PITPNM2: variants seen among roughly 807,000 people sequenced by gnomAD.
PITPNM2 encodes membrane-associated phosphatidylinositol transfer protein 2.
Under a neutral mutation model 132.2 loss-of-function variants are expected in PITPNM2, and 35 were observed. That is an observed-to-expected ratio of 0.26 (90% confidence interval 0.20 to 0.35). PITPNM2 has a LOEUF of 0.35. PITPNM2 is among the 10% of genes least tolerant of loss of function. The pLI, the probability that PITPNM2 is intolerant of heterozygous loss-of-function variation, is 1.00. For synonymous variants in PITPNM2, 738 were observed against 799.2 expected (o/e 0.92, Z 1.29); for missense variants, 1,332 against 1,912.0 (o/e 0.70, Z 5.66).
At chr12:123,130,336 G>T (rs192267286) in intron 1 of PITPNM2, among the ~76,000 whole-genome samples, 1 of 152,228 alleles carries the variant, frequency 6.6e-6, no homozygotes, top group Admixed American at 6.5e-5. Flanking sequence ...AAACAGTAGA[G>T]ATAATTATAG....
At chr12:123,113,937 CAT>C (rs2042888447) in intron 1 of PITPNM2, among the ~76,000 whole-genome samples, 1 of 152,196 alleles carries the variant, frequency 6.6e-6, no homozygotes, top group Non-Finnish European at 1.5e-5. Flanking sequence ...TAAATGGAAT[CAT>C]ATAATATGTA....
intron 1 of PITPNM2, among the ~76,000 whole-genome samples, chr12:123,148,880 G>A (rs1452594728): frequency 6.6e-6 from 1 of 152,146 alleles, no homozygotes; most frequent in Non-Finnish European, 1.5e-5. Flanking sequence ...CACCTGCGAA[G>A]GCCAAGACTG....
At chr12:123,089,523 G>A (rs2042203522) in intron 2 of PITPNM2, 1 of 152,204 alleles carries the variant, frequency 6.6e-6, no homozygotes, top group Non-Finnish European at 1.5e-5. Context: ...AAGTCCTAGA[G>A]TCTCAGGGGT....
At position 122,986,478 on chromosome 12, in the gene PITPNM2, G is replaced by A. The variant is rs1370696978; in HGVS notation, c.3684C>T (p.Tyr1228=). The A allele has an allele frequency of 3.8e-6, 6 of 1,585,710 alleles. No homozygotes were observed. The highest frequency in any genetic ancestry group is 2.7e-5 in the African/African-American group (2 of 74,574). The change falls in exon 25 of 26, where the codon TAC becomes TAT. Residue 1228 remains tyrosine, a synonymous_variant. Transcript: ENST00000320201. ...SAISLSPMQI[Y]IVGRPTKKLQ... ...GCTTCTTGGTGGGCCGGCCCACGAT[G>A]TAGATCTGCATGGGGGACAGGCTAA... is the stretch of plus-strand genomic sequence containing the variant.
At chr12:123,020,882 T>C (rs2039640909) in intron 3 of PITPNM2, among the ~76,000 whole-genome samples, 1 of 151,152 alleles carries the variant, frequency 6.6e-6, no homozygotes, top group Non-Finnish European at 1.5e-5. Flanking sequence ...TAAAAAAAAA[T>C]AGCCAGGCGT....
intron 2 of PITPNM2, among the ~76,000 whole-genome samples, chr12:123,053,212 C>T (rs1017426462): frequency 3.3e-5 from 5 of 152,068 alleles, no homozygotes; most frequent in African/African-American, 9.7e-5. Flanking sequence ...ATTTATTTTT[C>T]TAGCTTCTTG....
In PITPNM2 at chr12:123,064,357, C is replaced by T. The variant is rs896054774; in HGVS notation, c.-95-29672G>A. On this transcript the variant is annotated intron_variant, in intron 2 of 25. Transcript: ENST00000320201. This position sits in a 1 kb window ranked among gnomAD's most constrained non-coding sequence, Gnocchi z 4.0. ...CAGGGTGACACCAAACCGATCCCAA[C>T]CAGCACCCCAAGGCCTGCAGCCCAC... is the stretch of plus-strand genomic sequence containing the variant. Among the ~76,000 whole-genome samples, 5 of 152,186 alleles carry T rather than the reference C, an allele frequency of 3.3e-5. No individual in the cohort carries two copies. Among genetic ancestry groups the T allele is most frequent in the Non-Finnish European group, 7.4e-5 (5 of 68,022 alleles).
intron 3 of PITPNM2, among the ~76,000 whole-genome samples, chr12:123,016,143 T>G (rs953813115): frequency 6.6e-5 from 10 of 151,746 alleles, no homozygotes; most frequent in Non-Finnish European, 1.5e-5. Flanking sequence ...CTGGCCAACA[T>G]GGTAAAACTC....
intron 6 of PITPNM2, among the ~76,000 whole-genome samples, chr12:123,007,032 G>C (rs1461266560): frequency 6.6e-6 from 1 of 152,184 alleles, no homozygotes; most frequent in East Asian, 1.9e-4. Context: ...GCCGGCGACA[G>C]GGAGCCCTCC....
intron 2 of PITPNM2, among the ~76,000 whole-genome samples, chr12:123,054,095 T>C (rs2040946131): frequency 6.6e-6 from 1 of 152,148 alleles, no homozygotes; most frequent in Non-Finnish European, 1.5e-5. Context: ...ATCATCAATT[T>C]ATTTATTTAT....
At chr12:123,110,517 G>A (rs12423255) in intron 1 of PITPNM2, 29 bp from the exon 2 acceptor site, 30,446 of 152,314 alleles carry the variant, frequency 0.2, 4,043 homozygotes, top group Non-Finnish European at 0.3. Flanking sequence ...TGGGAGAGGA[G>A]GTGAGACACC....
intron 2 of PITPNM2, among the ~76,000 whole-genome samples, chr12:123,035,870 A>G (rs1197616521): frequency 2.0e-5 from 3 of 152,116 alleles, no homozygotes; most frequent in Non-Finnish European, 4.4e-5. Flanking sequence ...ACATTTATTT[A>G]TTGTTTAGAG....
At chr12:123,136,770 G>A (rs1298505832) in intron 1 of PITPNM2, among the ~76,000 whole-genome samples, 5 of 152,010 alleles carry the variant, frequency 3.3e-5, no homozygotes, top group African/African-American at 4.8e-5. Flanking sequence ...GGTGGCAGGC[G>A]CCTGTAGTCC....
chr12:123,077,768 A>G lies in PITPNM2; in HGVS notation c.-96+32617T>C, dbSNP rs2041836682. On this transcript the variant is annotated intron_variant, in intron 2 of 25. Transcript: ENST00000320201. The surrounding 1 kb of genome is among the most constrained non-coding windows in gnomAD (Gnocchi z 4.8). ...AATAAACCCATCCTGAGGCTGTGAC[A>G]TGTTTCAGAAGGAGCAGAAAATTAC... 6.6e-6 allele frequency among the ~76,000 whole-genome samples: 1 copy of G among 152,168 alleles called. No homozygotes were observed. Among genetic ancestry groups the G allele is most frequent in the African/African-American group, 2.4e-5 (1 of 41,436 alleles).
intron 2 of PITPNM2, among the ~76,000 whole-genome samples, chr12:123,048,535 C>T (rs1187318364): frequency 2.0e-5 from 3 of 152,092 alleles, no homozygotes; most frequent in African/African-American, 7.2e-5. Context: ...GCCTCAGCCT[C>T]CCGAGTAGCT....
In PITPNM2 at chr12:123,117,347, G is replaced by A. The variant is rs910102509; in HGVS notation, c.-199-6859C>T. 8.1e-5 allele frequency among the ~76,000 whole-genome samples: 12 copies of A among 147,742 alleles called. No individual in the cohort carries two copies. In the East Asian group the frequency reaches 1.2e-3, roughly 14 times the overall value. ...AACTCAAGCTGTCACTTAATTACAC[G>A]ACTCTCTATCTGTGCAGAGCAGGGG... On this transcript the variant is annotated intron_variant, in intron 1 of 25. Transcript: ENST00000320201. This position sits in a 1 kb window ranked among gnomAD's most constrained non-coding sequence, Gnocchi z 4.7.
Position 123,000,367 on chromosome 12 carries a change from G to T in PITPNM2, c.1224+411C>A, listed in dbSNP as rs1010203074. 1.4e-6 allele frequency: 1 copy of T among 700,162 alleles called. No individual in the cohort carries two copies. The highest frequency in any genetic ancestry group is 2.6e-6 in the Non-Finnish European group (1 of 384,104). The allele number at this position is 700,162 out of a possible 1,614,324, so 43.4% of individuals were successfully genotyped here. On this transcript the variant is annotated intron_variant, in intron 10 of 25. Transcript: ENST00000320201. This position sits in a 1 kb window ranked among gnomAD's most constrained non-coding sequence, Gnocchi z 5.4. ...CTGCCTCCCGCGGGGCCATCTTGTC[G>T]GCCACGGCCACATCACTTCTGCCTA... is the stretch of plus-strand genomic sequence containing the variant.
intron 1 of PITPNM2, among the ~76,000 whole-genome samples, chr12:123,119,336 A>G (rs1415961808): frequency 2.0e-5 from 3 of 151,220 alleles, no homozygotes; most frequent in East Asian, 1.9e-4. Context: ...TGCTCTATCT[A>G]GAAGCATAGA....
chr12:123,034,431 A>G, intron 3 of PITPNM2, 82 bp downstream of exon 3: 1 of 1,343,842 alleles, frequency 7.4e-7, no homozygotes, highest in Non-Finnish European at 1.1e-6. Flanking sequence ...GAAGGCCACA[A>G]CTCCACCTAA....
Sources: allele counts gnomAD v4.1 joint callset (sites outside exome capture counted in the v4.1 genomes callset), GRCh38; gene constraint gnomAD v4.1.1; non-coding constraint Gnocchi (gnomAD v3.1); transcripts MANE v1.5; gene names NCBI Gene and HGNC (gene_info 2026-07-23, HGNC 2026-07-21).